The following SLC24A2 variants were observed in gnomAD, a reference collection of about 807,000 sequenced individuals.
SLC24A2 encodes the protein solute carrier family 24 member 2, also known as sodium/potassium/calcium exchanger 2.
In SLC24A2, 36 loss-of-function variants were observed where a neutral mutation model predicts 62.0. The ratio of observed to expected loss-of-function variants is 0.58; its 90% confidence interval spans 0.44 to 0.77. The LOEUF (loss-of-function observed/expected upper bound fraction) is 0.77, where lower values mean the gene tolerates loss of function less well. Ranked by LOEUF, SLC24A2 falls within the 30% of genes least tolerant of loss-of-function variation. The probability of loss-of-function intolerance (pLI) is 0.00; values close to 1 mark genes in which losing one functional copy is unlikely to be tolerated. For synonymous variants in SLC24A2, 358 were observed against 294.0 expected (o/e 1.22, Z -2.23); for missense variants, 846 against 817.9 (o/e 1.03, Z -0.42).
At chr9:20,253,916 T>C in the SLC24A2 span, among the ~76,000 whole-genome samples, 1 of 152,096 alleles carries the variant, frequency 6.6e-6, no homozygotes, top group East Asian at 1.9e-4. Flanking sequence ...TACCAAATGC[T>C]TTACAAATGT....
chr9:19,698,119 G>C (rs1221682537), intron 2 of SLC24A2, among the ~76,000 whole-genome samples: 1 of 152,088 alleles, frequency 6.6e-6, no homozygotes, highest in Non-Finnish European at 1.5e-5. Flanking sequence ...TGCTAATACA[G>C]GTTGAGCATC....
the SLC24A2 span, among the ~76,000 whole-genome samples, chr9:20,225,563 T>TATATATATA: frequency 3.7e-5 from 3 of 81,102 alleles, no homozygotes; most frequent in East Asian, 5.9e-4. Context: ...ATATATATTA[T>TATATATATA]ATATATATAT....
At chr9:19,928,196 C>T in the SLC24A2 span, 5 of 152,440 alleles carry the variant, frequency 3.3e-5, no homozygotes, top group Non-Finnish European at 7.3e-5. Flanking sequence ...CTAGTTCTTT[C>T]CAAACCCTTG....
At chr9:19,901,541 T>C in the SLC24A2 span, among the ~76,000 whole-genome samples, 4 of 152,166 alleles carry the variant, frequency 2.6e-5, no homozygotes, top group African/African-American at 9.7e-5. Flanking sequence ...TGGCTAATTA[T>C]ACATATTCAG....
the SLC24A2 span, among the ~76,000 whole-genome samples, chr9:19,988,493 T>A: frequency 6.6e-6 from 1 of 152,204 alleles, no homozygotes; most frequent in Non-Finnish European, 1.5e-5. Context: ...AAGTTTCGAC[T>A]GGCACAATCA....
the SLC24A2 span, among the ~76,000 whole-genome samples, chr9:20,258,843 A>AATG: frequency 0.028 from 2,699 of 96,184 alleles, 28 homozygotes; most frequent in Non-Finnish European, 0.035. Context: ...CTGTCTATCT[A>AATG]TCTATCTATC....
the SLC24A2 span, among the ~76,000 whole-genome samples, chr9:20,114,379 G>A: frequency 1.3e-5 from 2 of 152,146 alleles, no homozygotes; most frequent in African/African-American, 4.8e-5. Context: ...CTCAGTTGTG[G>A]AGCTAAACTA....
chr9:20,016,166 C>A, the SLC24A2 span, among the ~76,000 whole-genome samples: 2 of 152,150 alleles, frequency 1.3e-5, no homozygotes, highest in African/African-American at 4.8e-5. Context: ...TATAATACTT[C>A]CCCTTCCAAA....
the SLC24A2 span, among the ~76,000 whole-genome samples, chr9:19,796,643 T>C: frequency 6.6e-6 from 1 of 152,264 alleles, no homozygotes; most frequent in South Asian, 2.1e-4. Flanking sequence ...TTTGTGAAAA[T>C]CTAGGTTAGA....
At chr9:19,738,934 T>G (rs1033299322) in intron 2 of SLC24A2, among the ~76,000 whole-genome samples, 1 of 152,074 alleles carries the variant, frequency 6.6e-6, no homozygotes, top group Non-Finnish European at 1.5e-5. Context: ...CTGGCCAATA[T>G]GGTGAAATCC....
At chr9:19,763,242 T>C (rs61701868) in intron 2 of SLC24A2, among the ~76,000 whole-genome samples, 6,980 of 152,298 alleles carry the variant, frequency 0.046, 191 homozygotes, top group East Asian at 0.095. Context: ...TTTCTAAATA[T>C]ACAATCGTGT....
the SLC24A2 span, among the ~76,000 whole-genome samples, chr9:20,218,352 G>C: frequency 3.3e-5 from 5 of 152,178 alleles, no homozygotes; most frequent in Non-Finnish European, 7.4e-5. Flanking sequence ...AGACTTTTCT[G>C]TTCTAGCCTA....
At chr9:20,076,572 C>A in the SLC24A2 span, among the ~76,000 whole-genome samples, 1 of 152,012 alleles carries the variant, frequency 6.6e-6, no homozygotes, top group Non-Finnish European at 1.5e-5. Flanking sequence ...AGAGTATGGT[C>A]TTGTGACACC....
intron 2 of SLC24A2, among the ~76,000 whole-genome samples, chr9:19,731,644 TC>T (rs1309266730): frequency 6.6e-6 from 1 of 152,168 alleles, no homozygotes; most frequent in African/African-American, 2.4e-5. Context: ...ATCTTGGACT[TC>T]CAGCCTCCAG....
the SLC24A2 span, among the ~76,000 whole-genome samples, chr9:20,238,552 G>T: frequency 6.6e-6 from 1 of 152,164 alleles, no homozygotes; most frequent in Admixed American, 6.5e-5. Flanking sequence ...AGCAATCAAT[G>T]CTTTAAATGG....
chr9:19,670,613 A>G (rs1382826022), intron 2 of SLC24A2, among the ~76,000 whole-genome samples: 1 of 152,180 alleles, frequency 6.6e-6, no homozygotes, highest in East Asian at 1.9e-4. Context: ...GAGAGATTAC[A>G]TTATTTGTCC....
At chr9:19,691,686 T>A (rs549277081) in intron 2 of SLC24A2, among the ~76,000 whole-genome samples, 2 of 152,172 alleles carry the variant, frequency 1.3e-5, no homozygotes, top group Admixed American at 1.3e-4. Flanking sequence ...TCCTAGTATA[T>A]GTTAAAATAA....
chr9:20,233,068 T>A, the SLC24A2 span, among the ~76,000 whole-genome samples: 1 of 152,190 alleles, frequency 6.6e-6, no homozygotes, highest in Admixed American at 6.5e-5. Context: ...AGTTCTAGTT[T>A]GATTGCACTG....
intron 2 of SLC24A2, among the ~76,000 whole-genome samples, chr9:19,754,414 G>A (rs946251915): frequency 2.0e-5 from 3 of 152,182 alleles, no homozygotes; most frequent in African/African-American, 4.8e-5. Flanking sequence ...GAACCTTTGA[G>A]CCTTGAATTC....
Sources: allele counts gnomAD v4.1 joint callset (sites outside exome capture counted in the v4.1 genomes callset), GRCh38; gene constraint gnomAD v4.1.1; transcripts MANE v1.5; gene names NCBI Gene and HGNC (gene_info 2026-07-23, HGNC 2026-07-21).